The following PKP4 variants were observed in gnomAD, a reference collection of about 807,000 sequenced individuals.
PKP4 encodes plakophilin-4.
A neutral mutation model predicts 145.1 loss-of-function variants in PKP4; 90 were observed. The observed-to-expected ratio is 0.62, with a 90% CI of 0.52 to 0.74. The LOEUF (loss-of-function observed/expected upper bound fraction) is 0.74. PKP4 is among the 30% of genes least tolerant of loss of function. The pLI is 0.00. For synonymous variants in PKP4, 563 were observed against 577.2 expected, an observed-to-expected ratio of 0.98 and a Z score of 0.35; for missense variants, 1,340 against 1,482.7, an observed-to-expected ratio of 0.90 and a Z score of 1.58.
At chr2:158,552,414 G>A (rs1177060650) in intron 2 of PKP4, among the ~76,000 whole-genome samples, 2 of 152,206 alleles carry the variant, frequency 1.3e-5, no homozygotes, top group Admixed American at 1.3e-4. Context: ...GCATCAGGAA[G>A]GGGAGTCTGC....
chr2:158,624,922 A>G lies in PKP4; in HGVS notation c.648A>G (p.Pro216=). The G allele has an allele frequency of 7.4e-6, 12 of 1,613,072 alleles. No individual in the cohort carries two copies. Among genetic ancestry groups the G allele is most frequent in the Non-Finnish European group, 9.3e-6 (11 of 1,179,438 alleles). The part of the protein sequence containing the change: ...NRAMRRVSSV[P]SRAQSPSYVI... The stretch of plus-strand genomic sequence containing the variant: ...CCATGAGAAGAGTTAGTTCAGTTCC[A>G]TCTAGAGCACAGTCTCCTTCTTATG... The change falls in exon 7 of 22, where the codon CCA becomes CCG. Residue 216 remains proline (P), a synonymous_variant. Transcript: ENST00000389759.
intron 1 of PKP4, among the ~76,000 whole-genome samples, chr2:158,485,255 T>G (rs758577207): frequency 3.3e-5 from 5 of 152,226 alleles, no homozygotes; most frequent in Non-Finnish European, 7.3e-5. Context: ...ATTCCACACA[T>G]TTTATGTGAA....
rs372835343 is a variant in PKP4, at chr2:158,641,265, GAGA to G, written c.1695+509_1695+511del. 4.1e-4 allele frequency among the ~76,000 whole-genome samples: 62 copies of G among 151,794 alleles called. No individual in the cohort carries two copies. In the South Asian group the frequency reaches 0.012, roughly 30 times the overall value. On this transcript the variant is annotated intron_variant, in intron 10 of 21. Coordinates refer to ENST00000389759, the MANE Select transcript of PKP4 (RefSeq NM_003628.6). ...AGGCGGGAGAATCACTTGAACCTGG[GAGA>G]AGGAGGTTGCAGTGAGCCGAGATCA...
intron 1 of PKP4, among the ~76,000 whole-genome samples, chr2:158,458,566 G>A (rs1689252142): frequency 6.6e-6 from 1 of 152,214 alleles, no homozygotes; most frequent in Admixed American, 6.5e-5. Flanking sequence ...GAAACAGGGG[G>A]CCTGAAGGTT....
intron 1 of PKP4, among the ~76,000 whole-genome samples, chr2:158,526,691 A>G (rs925739814): frequency 1.1e-5 from 1 of 90,336 alleles, no homozygotes; most frequent in Non-Finnish European, 2.1e-5. Context: ...GAGGAAGTCA[A>G]ATTGTCCCTG....
intron 1 of PKP4, among the ~76,000 whole-genome samples, chr2:158,523,737 A>C (rs944715025): frequency 1.1e-4 from 13 of 120,772 alleles, no homozygotes; most frequent in African/African-American, 4.7e-4. Flanking sequence ...ACTTTGAAAA[A>C]AATTTAGAAG....
chr2:158,539,638 C>T (rs1176154473), intron 2 of PKP4, among the ~76,000 whole-genome samples: 1 of 152,092 alleles, frequency 6.6e-6, no homozygotes, highest in African/African-American at 2.4e-5. Context: ...TTATTGTTAC[C>T]GTGTAACCCA....
At chr2:158,484,722 T>C (rs746168337) in intron 1 of PKP4, among the ~76,000 whole-genome samples, 4 of 152,190 alleles carry the variant, frequency 2.6e-5, no homozygotes, top group Non-Finnish European at 4.4e-5. Context: ...TGGATTATCT[T>C]CGCTTATAAA....
intron 2 of PKP4, among the ~76,000 whole-genome samples, chr2:158,550,140 A>AATCTATTAATTCTATTATT (rs550269421): frequency 6.6e-6 from 1 of 151,864 alleles, no homozygotes; most frequent in Non-Finnish European, 1.5e-5. Context: ...TTCTGCCAAG[A>AATCTATTAATTCTATTATT]AGAAGTTAAA....
At position 158,669,855 on chromosome 2, in the gene PKP4, C is replaced by T. The variant is rs2057408965; in HGVS notation, c.2864C>T (p.Ala955Val). 3 of 1,613,910 alleles carry T rather than the reference C, an allele frequency of 1.9e-6. No homozygotes were observed. The highest frequency in any genetic ancestry group is 1.1e-5 in the South Asian group (1 of 91,064). Residue 955 changes from alanine to valine, a missense_variant, in exon 17 of 22, where the codon GCC (alanine) becomes GTC (valine). By Grantham distance (64) the Ala-to-Val change is moderately conservative (BLOSUM62 0). Coordinates refer to ENST00000389759, the MANE Select transcript of PKP4 (RefSeq NM_003628.6). ...AGCAAAAACATGGAGAACGCAAAAG[C>T]CCTGGCCGACTCAGGAGGCATAGAG... is the stretch of plus-strand genomic sequence containing the variant. ...VTSKNMENAK[A>V]LADSGGIEKL...
At chr2:158,458,700 T>A (rs1220812498) in intron 1 of PKP4, among the ~76,000 whole-genome samples, 1 of 152,134 alleles carries the variant, frequency 6.6e-6, no homozygotes, top group East Asian at 1.9e-4. Context: ...AGAAGTGTAA[T>A]TTTTTTCCCT....
At chr2:158,469,703 A>C (rs1318992468) in intron 1 of PKP4, among the ~76,000 whole-genome samples, 2 of 152,200 alleles carry the variant, frequency 1.3e-5, no homozygotes, top group Non-Finnish European at 2.9e-5. Flanking sequence ...TGAGAAGGTA[A>C]GTGTTGACTG....
chr2:158,594,806 A>G (rs372391828), intron 3 of PKP4, among the ~76,000 whole-genome samples: 2 of 152,184 alleles, frequency 1.3e-5, no homozygotes, highest in African/African-American at 4.8e-5. Context: ...CTAAGAAATC[A>G]TTACTGCCTG....
chr2:158,555,308 C>T (rs188866069), intron 2 of PKP4, among the ~76,000 whole-genome samples: 17 of 152,218 alleles, frequency 1.1e-4, no homozygotes, highest in Non-Finnish European at 1.9e-4. Flanking sequence ...TCCTGCCTAG[C>T]AGGCTTTAGG....
At chr2:158,669,599 CCCT>C in intron 16 of PKP4, 118 bp from the exon 17 acceptor site, 1 of 693,484 alleles carries the variant, frequency 1.4e-6, no homozygotes. Context: ...TGATTTTTTC[CCCT>C]ATTATTGTCT....
chr2:158,508,366 C>CAAAAAAAAAAA (rs747754927), intron 1 of PKP4, among the ~76,000 whole-genome samples: 2 of 115,886 alleles, frequency 1.7e-5, no homozygotes, highest in East Asian at 2.3e-4. Context: ...AACTCCGTCT[C>CAAAAAAAAAAA]AAAAAAAAAA....
chr2:158,669,897 C>T lies in PKP4; in HGVS notation c.2906C>T (p.Thr969Ile). The change falls in exon 17 of 22, where the codon ACC becomes ATC. Residue 969 changes from threonine to isoleucine, a missense_variant. Coordinates refer to ENST00000389759, the MANE Select transcript of PKP4 (RefSeq NM_003628.6). ...GGCATAGAGAAGCTGGTGAACATAA[C>T]CAAAGGCAGGGGCGACAGGCAAGTC... Reference protein sequence around the residue: ...SGGIEKLVNITKGRGDRSSLK... With the variant: ...SGGIEKLVNIIKGRGDRSSLK... 6.2e-7 allele frequency: 1 copy of T among 1,611,780 alleles called. No individual in the cohort carries two copies. Among genetic ancestry groups the T allele is most frequent in the Non-Finnish European group, 8.5e-7 (1 of 1,178,698 alleles).
chr2:158,656,170 T>C (rs549700592), intron 11 of PKP4, among the ~76,000 whole-genome samples: 31 of 152,294 alleles, frequency 2.0e-4, no homozygotes, highest in Admixed American at 2.0e-3. Flanking sequence ...GACCAATTCT[T>C]CCTCAGTTCC....
In PKP4 at chr2:158,658,286, G is replaced by A. The variant is rs769672280; in HGVS notation, c.2065G>A (p.Val689Ile). 6.9e-6 allele frequency: 11 copies of A among 1,604,498 alleles called. No homozygotes were observed. Among genetic ancestry groups the A allele is most frequent in the Non-Finnish European group, 9.4e-6 (11 of 1,174,426 alleles). The change falls in exon 12 of 22, where the codon GTT (valine) becomes ATT (isoleucine). Residue 689 changes from valine (V) to isoleucine (I), a missense_variant. Transcript: ENST00000389759. ...TAAAATTAAATTTCAGACTTCACTA[G>A]TTCTGCGTAACACGACAGGTTGCCT... ...DHKIKFQTSL[V>I]LRNTTGCLRN...
Sources: allele counts gnomAD v4.1 joint callset (sites outside exome capture counted in the v4.1 genomes callset), GRCh38; gene constraint gnomAD v4.1.1; transcripts MANE v1.5; gene names NCBI Gene and HGNC (gene_info 2026-07-23, HGNC 2026-07-21).